Variants in PTPRF observed in about 807,000 individuals in gnomAD.
PTPRF encodes the protein protein tyrosine phosphatase receptor type F, also known as receptor-type tyrosine-protein phosphatase F.
Under a neutral mutation model 201.8 loss-of-function variants are expected in PTPRF, and 59 were observed. The ratio of observed to expected loss-of-function variants is 0.29; its 90% CI spans 0.24 to 0.36. The LOEUF is 0.36. Ranked by LOEUF, PTPRF falls within the 10% of genes least tolerant of loss-of-function variation. PTPRF has a pLI of 1.00. For missense variants in PTPRF, 2,132 were observed against 2,690.5 expected, an observed-to-expected ratio of 0.79 and a Z score of 4.59; for synonymous variants, 1,088 against 1,089.7, an observed-to-expected ratio of 1.00 and a Z score of 0.03.
chr1:43,554,824 T>C lies in PTPRF; in HGVS notation c.379+883T>C, dbSNP rs758605053. On this transcript the variant is annotated intron_variant, in intron 5 of 33. Coordinates refer to ENST00000359947, the MANE Select transcript of PTPRF (RefSeq NM_002840.5). The surrounding 1 kb of genome is among the most constrained non-coding windows in gnomAD (Gnocchi z 4.1). ...TGTTTTCAAAATATAGCATCGATTG[T>C]TGCTTGCTTTTTTTTCTTTTCTTTC... Among the ~76,000 whole-genome samples the C allele has an allele frequency of 6.6e-5, 10 of 152,044 alleles. No individual in the cohort carries two copies. The highest frequency in any genetic ancestry group is 1.2e-4 in the Non-Finnish European group (8 of 67,992).
chr1:43,538,289 C>T lies in PTPRF; in HGVS notation c.-46+12C>T. On this transcript the variant is annotated intron_variant, in intron 2 of 33. Coordinates refer to ENST00000359947, the MANE Select transcript of PTPRF (RefSeq NM_002840.5). ...GAAGCAAAGACTCGGTGAGTGTGCC[C>T]CACAGAGTGGCCAGGAGCAGGGGTG... 2.5e-6 allele frequency: 1 copy of T among 398,816 alleles called. No individual in the cohort carries two copies. Among genetic ancestry groups the T allele is most frequent in the Non-Finnish European group, 4.4e-6 (1 of 226,258 alleles). The allele number at this position is 398,816 out of a possible 1,614,324, so 24.7% of individuals were successfully genotyped here.
At chr1:43,589,323 G>A (rs58097944) in intron 8 of PTPRF, among the ~76,000 whole-genome samples, 76,115 of 151,690 alleles carry the variant, frequency 0.5, 20,447 homozygotes, top group African/African-American at 0.69. Flanking sequence ...CGAGGGAACC[G>A]AGGCACAGAG....
chr1:43,607,058 G>T (rs1203881564), intron 21 of PTPRF, 90 bp downstream of exon 21: 1 of 1,520,218 alleles, frequency 6.6e-7, no homozygotes, highest in Non-Finnish European at 8.9e-7. Flanking sequence ...AGAGCGTGCA[G>T]CCTTGCATCC....
chr1:43,601,203 C>T (rs533115521), intron 13 of PTPRF, among the ~76,000 whole-genome samples: 17 of 152,336 alleles, frequency 1.1e-4, no homozygotes, highest in Non-Finnish European at 2.1e-4. Context: ...CCAGGTACTT[C>T]CGGCTTGGAG....
rs1437478802 is a variant in PTPRF, at chr1:43,546,906, C to T, written c.91+1740C>T. ...CTTCTGAATATCTTTGGAATGCATC[C>T]ACTTCTCTCTCTACCGCCTTCATCC... On this transcript the variant is annotated intron_variant, in intron 3 of 33. Transcript: ENST00000359947. The surrounding 1 kb of genome is among the most constrained non-coding windows in gnomAD (Gnocchi z 4.2). 6.6e-6 allele frequency among the ~76,000 whole-genome samples: 1 copy of T among 152,178 alleles called. No homozygotes were observed. The highest frequency in any genetic ancestry group is 1.5e-5 in the Non-Finnish European group (1 of 68,032).
Position 43,605,187 on chromosome 1 carries a change from C to A in PTPRF, c.3136-3C>A. The A allele has an allele frequency of 1.3e-6, 2 of 1,593,278 alleles. No individual in the cohort carries two copies. Among genetic ancestry groups the A allele is most frequent in the Admixed American group, 1.7e-5 (1 of 59,478 alleles). Reference sequence around the variant, plus strand: ...CATTGATTGCCCCTCCCGTCCCCCACAGATTCTGTACAATGGGCAGAGTGT... The same window carrying A: ...CATTGATTGCCCCTCCCGTCCCCCAAAGATTCTGTACAATGGGCAGAGTGT... On this transcript the variant is annotated splice_polypyrimidine_tract_variant and splice_region_variant and intron_variant, in intron 17 of 33. Coordinates refer to ENST00000359947, the MANE Select transcript of PTPRF (RefSeq NM_002840.5).
chr1:43,531,341 C>G (rs980822339), intron 1 of PTPRF, among the ~76,000 whole-genome samples: 4 of 147,362 alleles, frequency 2.7e-5, no homozygotes, highest in African/African-American at 9.9e-5. Context: ...CTGGCTGGCT[C>G]GCTCCCCGCC....
chr1:43,591,560 G>C lies in PTPRF; in HGVS notation c.1531+7G>C. The C allele has an allele frequency of 2.6e-6, 4 of 1,557,190 alleles. No homozygotes were observed. Among genetic ancestry groups the C allele is most frequent in the Non-Finnish European group, 2.6e-6 (3 of 1,148,892 alleles). ...GTCAAGACGCAGCAGGGAGGTAGGT[G>C]GGGGCATGCCGGCTGGGCAGCCAAC... On this transcript the variant is annotated splice_region_variant and intron_variant, in intron 9 of 33. Coordinates refer to ENST00000359947, the MANE Select transcript of PTPRF (RefSeq NM_002840.5).
intron 5 of PTPRF, among the ~76,000 whole-genome samples, chr1:43,564,246 C>G (rs1432248325): frequency 6.6e-6 from 1 of 152,164 alleles, no homozygotes; most frequent in Admixed American, 6.5e-5. Flanking sequence ...GCGTGCAGAT[C>G]TGGCAGCCTT....
At position 43,623,215 on chromosome 1, in the gene PTPRF, T is replaced by G. The variant is rs1443657997; in HGVS notation, c.*1212T>G. 1 of 152,688 alleles carries G rather than the reference T, an allele frequency of 6.5e-6. No individual in the cohort carries two copies. The highest frequency in any genetic ancestry group is 2.4e-5 in the African/African-American group (1 of 41,454). The allele number at this position is 152,688 out of a possible 1,614,324, so 9.5% of individuals were successfully genotyped here. On this transcript the variant is annotated 3_prime_UTR_variant, in exon 34 of 34. Coordinates refer to ENST00000359947, the MANE Select transcript of PTPRF (RefSeq NM_002840.5). ...TCCTCAGAGCAGGGGCCAGATGATT[T>G]TCCTCCCTGGTTTGCAGCTGTTTTC...
At chr1:43,592,001 G>C (rs776255802) in intron 10 of PTPRF, 53 bp downstream of exon 10, 2 of 1,604,818 alleles carry the variant, frequency 1.2e-6, no homozygotes, top group Non-Finnish European at 1.7e-6. Context: ...CTGAGGGTCT[G>C]TGATGGGCTT....
upstream of PTPRF, among the ~76,000 whole-genome samples, chr1:43,528,303 C>T (rs1332281138): frequency 6.6e-6 from 1 of 152,160 alleles, no homozygotes; most frequent in Non-Finnish European, 1.5e-5. Context: ...ATTCTCCTGC[C>T]CCAGCCTCCC....
chr1:43,578,987 C>A, intron 7 of PTPRF, 67 bp downstream of exon 7: 1 of 1,462,034 alleles, frequency 6.8e-7, no homozygotes, highest in Non-Finnish European at 9.6e-7. Flanking sequence ...GGGCTCTCTG[C>A]CCAGAGCCCT....
At position 43,606,775 on chromosome 1, in the gene PTPRF, C is replaced by G. The variant is rs564466403; in HGVS notation, c.3703-39C>G. On this transcript the variant is annotated intron_variant, in intron 20 of 33. Transcript: ENST00000359947. The stretch of plus-strand genomic sequence containing the variant: ...ATAGGCAGAGGGTGGGGGGTTCTCA[C>G]GCTGAGCTCACAGCCTGCTGTTCTC... 8 of 1,601,854 alleles carry G rather than the reference C, an allele frequency of 5.0e-6. No homozygotes were observed. The Admixed American group carries it at 6.7e-5, about 13-fold the overall frequency.
chr1:43,619,277 G>A lies in PTPRF; in HGVS notation c.4647-11G>A, dbSNP rs763241082. 26 of 1,612,236 alleles carry A rather than the reference G, an allele frequency of 1.6e-5. No homozygotes were observed. The highest frequency in any genetic ancestry group is 1.6e-4 in the Middle Eastern group (1 of 6,074). On this transcript the variant is annotated splice_polypyrimidine_tract_variant and intron_variant, in intron 27 of 33. Coordinates refer to ENST00000359947, the MANE Select transcript of PTPRF (RefSeq NM_002840.5). ...GGCGCCTGTGCCTCAAGCTGAGCCCGTGTCCTGCAGCGCGGGCGTGGGCCG... is the reference window on the plus strand; with the variant it reads ...GGCGCCTGTGCCTCAAGCTGAGCCCATGTCCTGCAGCGCGGGCGTGGGCCG...
At chr1:43,555,153 G>T (rs966638376) in intron 5 of PTPRF, among the ~76,000 whole-genome samples, 3 of 151,966 alleles carry the variant, frequency 2.0e-5, no homozygotes, top group Admixed American at 6.6e-5. Context: ...CACCCGGGCC[G>T]ATTGTTGCTT....
chr1:43,599,425 A>G (rs1653188405), intron 13 of PTPRF, among the ~76,000 whole-genome samples: 4 of 152,142 alleles, frequency 2.6e-5, no homozygotes, highest in African/African-American at 9.7e-5. Flanking sequence ...CTGGGCTGGC[A>G]TCCACTCTTC....
At chr1:43,593,411 T>C (rs1056450048) in intron 11 of PTPRF, among the ~76,000 whole-genome samples, 4 of 152,132 alleles carry the variant, frequency 2.6e-5, no homozygotes, top group African/African-American at 9.7e-5. Context: ...CCCCAGACAG[T>C]AGACTGTGTG....
intron 21 of PTPRF, 116 bp from the exon 22 acceptor site, chr1:43,609,267 G>C (rs1557847494): frequency 8.0e-6 from 6 of 752,562 alleles, no homozygotes; most frequent in Non-Finnish European, 1.1e-5. Flanking sequence ...GGAAGAGGTG[G>C]GGCAGTAGGA....
Sources: gnomAD v4.1 joint callset for allele counts (sites outside exome capture counted in the v4.1 genomes callset) on GRCh38, gnomAD v4.1.1 for gene constraint, Gnocchi (gnomAD v3.1) non-coding constraint, MANE v1.5 for transcripts, NCBI Gene and HGNC (gene_info 2026-07-23, HGNC 2026-07-21) for gene names.